Variants in TMEM160 observed in about 807,000 individuals in gnomAD.
TMEM160 encodes transmembrane protein 160.
In TMEM160, 10 loss-of-function variants were observed where a neutral mutation model predicts 13.9. The observed-to-expected ratio is 0.72, with a 90% CI of 0.45 to 1.22. The LOEUF (loss-of-function observed/expected upper bound fraction) is 1.22, where lower values mean the gene tolerates loss of function less well. TMEM160 is among the 50% of genes most tolerant of loss of function. The pLI is 0.00. For synonymous variants in TMEM160, 159 were observed against 134.8 expected (o/e 1.18, Z -1.25); for missense variants, 287 against 283.2 (o/e 1.01, Z -0.10).
intron 1 of TMEM160, chr19:47,047,563 G>A (rs913628697): frequency 8.5e-5 from 83 of 979,866 alleles, no homozygotes; most frequent in Middle Eastern, 5.2e-4. Context: ...CTAGATGCCC[G>A]GTCCTGGCCT....
At chr19:47,046,559 G>T (rs932372793) in intron 2 of TMEM160, 34 bp downstream of exon 2, 7 of 1,569,876 alleles carry the variant, frequency 4.5e-6, no homozygotes, top group Non-Finnish European at 6.1e-6. Flanking sequence ...GCATTCCCTG[G>T]TTCCGTGGGG....
At position 47,046,152 on chromosome 19, in the gene TMEM160, G is replaced by GC. The variant is rs954767051; in HGVS notation, c.401dup (p.Ala135ArgfsTer46). 2.7e-6 allele frequency: 4 copies of GC among 1,469,840 alleles called. No individual in the cohort carries two copies. The highest frequency in any genetic ancestry group is 2.8e-5 in the East Asian group (1 of 35,752). The allele number at this position is 1,469,840 out of a possible 1,614,324, so 91.0% of individuals were successfully genotyped here. A position where few individuals can be genotyped will look rare whatever the true frequency, so the allele number is the denominator to read the frequency against. On this transcript the variant is annotated frameshift_variant, in exon 3 of 3. Coordinates refer to ENST00000253047, the MANE Select transcript of TMEM160 (RefSeq NM_017854.2). LOFTEE classifies it high-confidence loss of function. ...GCACGGCGCCCGCGCCCACGGCCGC[G>GC]CCCCCCAGCGTCAGCTGCATGGGTC...
chr19:47,047,563 G>C (rs913628697), intron 1 of TMEM160: 1 of 979,962 alleles, frequency 1.0e-6, no homozygotes, highest in African/African-American at 1.9e-5. Flanking sequence ...CTAGATGCCC[G>C]GTCCTGGCCT....
At chr19:47,048,291 C>G (rs1236022847) in intron 1 of TMEM160, 116 bp downstream of exon 1, 3 of 940,746 alleles carry the variant, frequency 3.2e-6, no homozygotes, top group Non-Finnish European at 3.0e-6. Flanking sequence ...ACACTGAAGC[C>G]CTTCTCGGAG....
At position 47,046,132 on chromosome 19, in the gene TMEM160, GCGCCCGCGCCCA is replaced by G. The variant is rs1568514134; in HGVS notation, c.410_421del (p.Val137_Gly140del). Reference sequence around the variant, plus strand: ...CCAGAGCAGGCTGGCGGCCAGCACGGCGCCCGCGCCCACGGCCGCGCCCCCCAGCGTCAGCTG... The same window carrying G: ...CCAGAGCAGGCTGGCGGCCAGCACGGCGGCCGCGCCCCCCAGCGTCAGCTG... On this transcript the variant is annotated inframe_deletion, in exon 3 of 3. Coordinates refer to ENST00000253047, the MANE Select transcript of TMEM160 (RefSeq NM_017854.2). 8 of 1,478,724 alleles carry G rather than the reference GCGCCCGCGCCCA, an allele frequency of 5.4e-6. No homozygotes were observed. Among genetic ancestry groups the G allele is most frequent in the Non-Finnish European group, 5.3e-6 (6 of 1,124,416 alleles). 91.6% of individuals were successfully genotyped at this position (1,478,724 alleles called of 1,614,324 possible).
chr19:47,047,332 C>T (rs571339661), intron 1 of TMEM160: 3 of 985,378 alleles, frequency 3.0e-6, no homozygotes, highest in South Asian at 4.7e-5. Flanking sequence ...TGTACCCCCA[C>T]GGCCTGCCCA....
chr19:47,048,312 GCC>G, intron 1 of TMEM160, 93 bp downstream of exon 1: 1 of 1,131,758 alleles, frequency 8.8e-7, no homozygotes, highest in South Asian at 1.6e-5. Context: ...CCGAGCCCGG[GCC>G]CCGTTTCCTG....
chr19:47,046,288 C>A, intron 2 of TMEM160, 36 bp from the exon 3 acceptor site: 1 of 1,512,814 alleles, frequency 6.6e-7, no homozygotes, highest in South Asian at 1.2e-5. Context: ...GGGCCAAGGT[C>A]GGGGGATGGT....
intron 1 of TMEM160, among the ~76,000 whole-genome samples, 179 bp from the exon 2 acceptor site, chr19:47,046,864 C>A (rs1020249987): frequency 6.6e-6 from 1 of 152,202 alleles, no homozygotes; most frequent in South Asian, 2.1e-4. Flanking sequence ...CATATCCCCC[C>A]ACATCCTCTC....
In TMEM160 at chr19:47,046,638, C is replaced by CCCCGATG. The variant is rs749969131; in HGVS notation, c.249_255dup (p.Val86HisfsTer10). ...ATGTCACTCTGCATGAAGGAGATGA[C>CCCCGATG]CCCGATGCCCGATGCCAGGAGGCCA... On this transcript the variant is annotated frameshift_variant, in exon 2 of 3. Transcript: ENST00000253047. LOFTEE classifies it high-confidence loss of function. 6.2e-6 allele frequency: 10 copies of CCCCGATG among 1,613,562 alleles called. No homozygotes were observed. Among genetic ancestry groups the CCCCGATG allele is most frequent in the Non-Finnish European group, 8.5e-6 (10 of 1,179,930 alleles).
At position 47,046,248 on chromosome 19, in the gene TMEM160, G is replaced by C; in HGVS notation, c.306C>G (p.Phe102Leu). The C allele has an allele frequency of 6.5e-7, 1 of 1,536,146 alleles. No individual in the cohort carries two copies. ...CCACGCACAGGCCGCCCAGCAGGAA[G>C]AAGCCTGCGGGAGAGGCAGGGTAGC... ...SDMGREAAYG[F>L]FLLGGLCVVW... Residue 102 changes from phenylalanine to leucine, a missense_variant, in exon 3 of 3, where the codon TTC becomes TTG. Transcript: ENST00000253047.
intron 1 of TMEM160, 83 bp from the exon 2 acceptor site, chr19:47,046,768 C>T: frequency 1.9e-6 from 2 of 1,045,460 alleles, no homozygotes; most frequent in African/African-American, 1.6e-5. Context: ...AACTGAGGGG[C>T]CTCCCTTCAG....
intron 1 of TMEM160, chr19:47,047,904 G>T (rs2057089422): frequency 2.0e-6 from 2 of 983,542 alleles, no homozygotes; most frequent in African/African-American, 3.5e-5. Flanking sequence ...TCTGGACCTC[G>T]CCTCCGTCAC....
intron 1 of TMEM160, 31 bp downstream of exon 1, chr19:47,048,376 A>G: frequency 6.8e-7 from 1 of 1,459,920 alleles, no homozygotes; most frequent in Admixed American, 2.5e-5. Flanking sequence ...CCCCCGTCCC[A>G]TCCGCACCGC....
chr19:47,045,916 G>C lies in TMEM160; in HGVS notation c.*71C>G, dbSNP rs2057075618. 7 of 1,424,426 alleles carry C rather than the reference G, an allele frequency of 4.9e-6. No individual in the cohort carries two copies. Among genetic ancestry groups the C allele is most frequent in the Admixed American group, 2.6e-5 (1 of 38,270 alleles). 88.2% of individuals were successfully genotyped at this position (1,424,426 alleles called of 1,614,324 possible). On this transcript the variant is annotated 3_prime_UTR_variant, in exon 3 of 3. Transcript: ENST00000253047. ...GAACCAATACTCTGCATCTGGAGGAGGGGAGGTCAGGTTTAATGTCCCAGT... is the reference window on the plus strand; with the variant it reads ...GAACCAATACTCTGCATCTGGAGGACGGGAGGTCAGGTTTAATGTCCCAGT...
chr19:47,048,048 G>C (rs182010240), intron 1 of TMEM160, among the ~76,000 whole-genome samples: 161 of 148,156 alleles, frequency 1.1e-3, no homozygotes, highest in African/African-American at 3.8e-3. Flanking sequence ...TCTCTGCACA[G>C]TGGTGGCCTC....
Position 47,048,598 on chromosome 19 carries a change from C to A in TMEM160, c.17G>T (p.Trp6Leu), listed in dbSNP as rs2122581874. MGGGWWWARAARLARL... is the reference protein window; with the variant it reads MGGGWLWARAARLARL... ...GGCAAGGCGAGCGGCCCGAGCCCAC[C>A]ACCAGCCGCCTCCCATGATTCGCAC... Residue 6 changes from tryptophan (W) to leucine (L), a missense_variant, in exon 1 of 3, where the codon TGG (tryptophan) becomes TTG (leucine). Physicochemically the swap from Trp to Leu is moderately conservative, Grantham distance 61. Coordinates refer to ENST00000253047, the MANE Select transcript of TMEM160 (RefSeq NM_017854.2). 6.5e-7 allele frequency: 1 copy of A among 1,533,798 alleles called. No homozygotes were observed. Among genetic ancestry groups the A allele is most frequent in the Non-Finnish European group, 8.7e-7 (1 of 1,150,012 alleles).
At position 47,048,449 on chromosome 19, in the gene TMEM160, C is replaced by A; in HGVS notation, c.166G>T (p.Asp56Tyr). 7.1e-7 allele frequency: 1 copy of A among 1,416,112 alleles called. No individual in the cohort carries two copies. Among genetic ancestry groups the A allele is most frequent in the Non-Finnish European group, 9.1e-7 (1 of 1,097,336 alleles). The allele number at this position is 1,416,112 out of a possible 1,614,324, so 87.7% of individuals were successfully genotyped here. A position where few individuals can be genotyped will look rare whatever the true frequency, so the allele number is the denominator to read the frequency against. Residue 56 changes from aspartate to tyrosine, a missense_variant, in exon 1 of 3, where the codon GAT (aspartate) becomes TAT (tyrosine). Physicochemically the swap from Asp to Tyr is radical, Grantham distance 160. Transcript: ENST00000253047. ...GASPPPVSEL[D>Y]RADAWLLRKA... ...CGGAGGAGCCAGGCGTCCGCACGAT[C>A]CAGCTCGGACACTGGGGGCGGCGAA...
At position 47,046,194 on chromosome 19, in the gene TMEM160, G is replaced by T; in HGVS notation, c.360C>A (p.Gly120=). The T allele has an allele frequency of 6.6e-7, 1 of 1,525,372 alleles. No individual in the cohort carries two copies. The allele number at this position is 1,525,372 out of a possible 1,614,324, so 94.5% of individuals were successfully genotyped here. ...GCATGGGTCCTCGCAGCGCCGCCAG[G>T]CCCACGGCGTACGAGGCGCTGCCCC... ...VVWGSASYAV[G]LAALRGPMQL... Residue 120 remains glycine (G), a synonymous_variant, in exon 3 of 3, where the codon GGC becomes GGA. Transcript: ENST00000253047.
Sources: gnomAD v4.1 joint callset for allele counts (sites outside exome capture counted in the v4.1 genomes callset) on GRCh38, gnomAD v4.1.1 for gene constraint, MANE v1.5 for transcripts, NCBI Gene and HGNC (gene_info 2026-07-23, HGNC 2026-07-21) for gene names.